The following EPHB2 variants were observed in gnomAD, a reference collection of about 807,000 sequenced individuals.
EPHB2 encodes ephrin type-B receptor 2.
Under a neutral mutation model 96.4 loss-of-function variants are expected in EPHB2, and 18 were observed. The observed-to-expected ratio is 0.19, with a 90% CI of 0.13 to 0.28. The LOEUF is 0.28. Among genes scored for constraint, EPHB2 ranks in the 10% least tolerant of loss-of-function variants. The probability of loss-of-function intolerance (pLI) is 1.00; values close to 1 mark genes in which losing one functional copy is unlikely to be tolerated. For missense variants in EPHB2, 989 were observed against 1,355.4 expected, an observed-to-expected ratio of 0.73 and a Z score of 4.25; for synonymous variants, 506 against 534.1, an observed-to-expected ratio of 0.95 and a Z score of 0.72.
chr1:22,766,283 A>G (rs1644306668), intron 1 of EPHB2, among the ~76,000 whole-genome samples: 1 of 152,224 alleles, frequency 6.6e-6, no homozygotes, highest in African/African-American at 2.4e-5. Context: ...ACCACATGGC[A>G]TCACCTAGGA....
At chr1:22,879,736 C>T (rs1167050676) in intron 5 of EPHB2, among the ~76,000 whole-genome samples, 2 of 152,234 alleles carry the variant, frequency 1.3e-5, no homozygotes, top group Non-Finnish European at 2.9e-5. Flanking sequence ...ATGCTCAGTG[C>T]ACTGTGGCAG....
At chr1:22,856,646 T>C (rs547460543) in intron 3 of EPHB2, among the ~76,000 whole-genome samples, 2 of 152,302 alleles carry the variant, frequency 1.3e-5, no homozygotes, top group South Asian at 2.1e-4. Context: ...ACTGACTTGC[T>C]ATGTGACCTT....
At chr1:22,843,619 C>A (rs1181126128) in intron 3 of EPHB2, among the ~76,000 whole-genome samples, 1 of 152,188 alleles carries the variant, frequency 6.6e-6, no homozygotes, top group Non-Finnish European at 1.5e-5. Context: ...CAGCTCACTG[C>A]AACCTGTACC....
chr1:22,888,659 G>C (rs575010802), intron 6 of EPHB2, among the ~76,000 whole-genome samples: 2 of 152,288 alleles, frequency 1.3e-5, no homozygotes, highest in East Asian at 3.9e-4. Context: ...AGGTACCCCA[G>C]GGAGAGGAGA....
At chr1:22,855,523 T>C (rs1485589808) in intron 3 of EPHB2, among the ~76,000 whole-genome samples, 1 of 152,252 alleles carries the variant, frequency 6.6e-6, no homozygotes, top group Non-Finnish European at 1.5e-5. Flanking sequence ...TGGCACCTAC[T>C]GGGGACTCAG....
intron 9 of EPHB2, among the ~76,000 whole-genome samples, chr1:22,899,404 G>A (rs1300602937): frequency 6.6e-6 from 1 of 151,770 alleles, no homozygotes; most frequent in Non-Finnish European, 1.5e-5. Context: ...CAGAGGCTGA[G>A]GCAGGAGAAT....
At position 22,906,650 on chromosome 1, in the gene EPHB2, G is replaced by A; in HGVS notation, c.1889-60G>A. The A allele has an allele frequency of 1.9e-6, 3 of 1,611,586 alleles. No individual in the cohort carries two copies. The highest frequency in any genetic ancestry group is 2.5e-6 in the Non-Finnish European group (3 of 1,179,446). ...CCGTGAGTGGACATGACAGGGAACA[G>A]GAAGGTGGCCCTTCCACCTGGCAAG... is the stretch of plus-strand genomic sequence containing the variant. On this transcript the variant is annotated intron_variant, in intron 10 of 15. Coordinates refer to ENST00000374630, the MANE Select transcript of EPHB2 (RefSeq NM_017449.5). This position sits in a 1 kb window ranked among gnomAD's most constrained non-coding sequence, Gnocchi z 4.8.
chr1:22,757,498 C>T (rs994051248), intron 1 of EPHB2, among the ~76,000 whole-genome samples: 4 of 152,188 alleles, frequency 2.6e-5, no homozygotes, highest in African/African-American at 9.7e-5. Context: ...ACTTACCAGT[C>T]ATGGGACTCT....
At chr1:22,739,685 C>T in intron 1 of EPHB2, among the ~76,000 whole-genome samples, 1 of 152,250 alleles carries the variant, frequency 6.6e-6, no homozygotes, top group South Asian at 2.1e-4. Flanking sequence ...ATGATCAGAC[C>T]CATCCCAGTC....
intron 1 of EPHB2, among the ~76,000 whole-genome samples, chr1:22,728,348 T>G (rs1373472122): frequency 6.6e-6 from 1 of 152,208 alleles, no homozygotes; most frequent in Non-Finnish European, 1.5e-5. Context: ...AATCCTGAGG[T>G]GTGGAATTGG....
Position 22,912,497 on chromosome 1 carries a change from C to T in EPHB2, c.2750C>T (p.Thr917Met), listed in dbSNP as rs772092699. The T allele has an allele frequency of 9.9e-6, 16 of 1,614,048 alleles. No individual in the cohort carries two copies. The highest frequency in any genetic ancestry group is 2.2e-5 in the South Asian group (2 of 91,092). The change falls in exon 15 of 16, where the codon ACG becomes ATG. Residue 917 changes from threonine (T) to methionine (M), a missense_variant. By Grantham distance (81) the Thr-to-Met change is moderately conservative. Coordinates refer to ENST00000374630, the MANE Select transcript of EPHB2 (RefSeq NM_017449.5). Reference sequence around the variant, plus strand: ...ATCCCCGACTACACCAGCTTTAACACGGTGGACGAGTGGCTGGAGGCCATC... The same window carrying T: ...ATCCCCGACTACACCAGCTTTAACATGGTGGACGAGTGGCTGGAGGCCATC... ...RTIPDYTSFN[T>M]VDEWLEAIKM...
At chr1:22,907,025 A>G in intron 11 of EPHB2, 68 bp downstream of exon 11, 1 of 1,526,876 alleles carries the variant, frequency 6.5e-7, no homozygotes, top group Non-Finnish European at 8.8e-7. Flanking sequence ...ACATAGCTTC[A>G]TACTGTCAGA....
intron 1 of EPHB2, among the ~76,000 whole-genome samples, chr1:22,766,453 C>G (rs1385186585): frequency 2.6e-5 from 4 of 152,212 alleles, no homozygotes; most frequent in African/African-American, 9.7e-5. Flanking sequence ...GTGTTGGCCT[C>G]TAGGGGAATG....
rs114682272 is a variant in EPHB2, at chr1:22,897,075, G to A, written c.1765+597G>A. ...GGCTCCAGACCCCTGTTCTTCCCCA[G>A]TGACTCCTCTGGTGGCCTCTTCCCC... On this transcript the variant is annotated intron_variant, in intron 9 of 15. Coordinates refer to ENST00000374630, the MANE Select transcript of EPHB2 (RefSeq NM_017449.5). Among the ~76,000 whole-genome samples, 742 of 152,238 alleles carry A rather than the reference G, an allele frequency of 4.9e-3. 7 individuals are homozygous for A. The highest frequency in any genetic ancestry group is 0.017 in the African/African-American group (691 of 41,524).
intron 1 of EPHB2, among the ~76,000 whole-genome samples, chr1:22,720,700 T>G (rs1643442231): frequency 9.0e-6 from 1 of 111,256 alleles, no homozygotes. Context: ...CCGAATTGTC[T>G]TCAGTGTTAT....
chr1:22,843,387 G>A (rs890840011), intron 3 of EPHB2, among the ~76,000 whole-genome samples: 1 of 152,056 alleles, frequency 6.6e-6, no homozygotes, highest in African/African-American at 2.4e-5. Flanking sequence ...GTGAAGATTT[G>A]TCATATAGAT....
intron 1 of EPHB2, among the ~76,000 whole-genome samples, chr1:22,714,896 C>A (rs1643251989): frequency 6.6e-6 from 1 of 152,192 alleles, no homozygotes; most frequent in Admixed American, 6.5e-5. Context: ...CTAAAACAGA[C>A]CCAGTTCTGC....
At chr1:22,818,557 G>A (rs4655121) in intron 3 of EPHB2, among the ~76,000 whole-genome samples, 29,618 of 152,004 alleles carry the variant, frequency 0.19, 2,967 homozygotes, top group South Asian at 0.32. Context: ...ACAGGATAAA[G>A]GTCAAACTCC....
At position 22,736,312 on chromosome 1, in the gene EPHB2, G is replaced by A. The variant is rs187153067; in HGVS notation, c.61+25269G>A. 2.1e-3 allele frequency among the ~76,000 whole-genome samples: 321 copies of A among 152,276 alleles called. 1 individual carries two copies. Among genetic ancestry groups the A allele is most frequent in the African/African-American group, 7.3e-3 (305 of 41,558 alleles). On this transcript the variant is annotated intron_variant, in intron 1 of 15. Transcript: ENST00000374630. ...TGGGGGAACGTTTGGGGACAAGGCGGCCCCTCTTGCCTGGTTGGTGTGGGG... is the reference window on the plus strand; with the variant it reads ...TGGGGGAACGTTTGGGGACAAGGCGACCCCTCTTGCCTGGTTGGTGTGGGG...
Sources: gnomAD v4.1 joint callset for allele counts (sites outside exome capture counted in the v4.1 genomes callset) on GRCh38, gnomAD v4.1.1 for gene constraint, Gnocchi (gnomAD v3.1) non-coding constraint, MANE v1.5 for transcripts, NCBI Gene and HGNC (gene_info 2026-07-23, HGNC 2026-07-21) for gene names.